Variants in FOCAD observed in about 807,000 individuals in gnomAD.
FOCAD encodes the protein KIAA1797.
Under a neutral mutation model 225.6 loss-of-function variants are expected in FOCAD, and 198 were observed. The ratio of observed to expected loss-of-function variants is 0.88; its 90% CI spans 0.78 to 0.99. The LOEUF (loss-of-function observed/expected upper bound fraction) is 0.99, where lower values mean the gene tolerates loss of function less well. Ranked by LOEUF, FOCAD falls within the 50% of genes least tolerant of loss-of-function variation. The pLI, the probability that FOCAD is intolerant of heterozygous loss-of-function variation, is 0.00. For missense variants in FOCAD, 2,713 were observed against 2,123.6 expected (o/e 1.28, Z -5.46); for synonymous variants, 897 against 755.0 (o/e 1.19, Z -3.08).
At chr9:20,913,057 A>G (rs1447508589) in intron 23 of FOCAD, 103 bp downstream of exon 23, 7 of 846,822 alleles carry the variant, frequency 8.3e-6, no homozygotes, top group Admixed American at 2.4e-5. Flanking sequence ...TTTAACCTCT[A>G]TATGTGAGCC....
intron 11 of FOCAD, among the ~76,000 whole-genome samples, chr9:20,798,088 G>A (rs1205418270): frequency 1.3e-5 from 2 of 152,068 alleles, no homozygotes; most frequent in Admixed American, 1.3e-4. Context: ...GGCCTTTTCT[G>A]CATCTATTGA....
At chr9:20,954,950 G>A (rs1838003954) in intron 35 of FOCAD, among the ~76,000 whole-genome samples, 1 of 152,202 alleles carries the variant, frequency 6.6e-6, no homozygotes, top group Non-Finnish European at 1.5e-5. Context: ...GCCAAATGCG[G>A]AGGTGTGCAT....
intron 32 of FOCAD, 61 bp from the exon 33 acceptor site, chr9:20,949,543 A>G (rs1837494168): frequency 4.1e-6 from 5 of 1,215,594 alleles, no homozygotes; most frequent in South Asian, 1.2e-5. Flanking sequence ...TGCACCGGGA[A>G]TATAACTCTT....
chr9:20,826,348 G>A (rs1258824562), intron 15 of FOCAD, among the ~76,000 whole-genome samples: 2 of 152,078 alleles, frequency 1.3e-5, no homozygotes, highest in African/African-American at 4.8e-5. Context: ...CATGCTGGAT[G>A]CTTCCTGCCC....
At chr9:20,932,121 G>C (rs539529647) in intron 27 of FOCAD, among the ~76,000 whole-genome samples, 1 of 152,012 alleles carries the variant, frequency 6.6e-6, no homozygotes, top group Non-Finnish European at 1.5e-5. Context: ...TACTCCAAAG[G>C]ACAACTTTTA....
rs762867897 is a variant in FOCAD at position 20,717,799 on chromosome 9, G to C, written c.63G>C (p.Val21=). Residue 21 remains valine (V), a synonymous_variant, in exon 3 of 44, where the codon GTG becomes GTC. Transcript: ENST00000338382. ...TAATTTTATTTCTTTTTAAGGCTGT[G>C]GGTCATCTTATTGCTGCAGTCCTAA... ...FPNSLIQSQA[V]GHLIAAVLKE... is the part of the protein sequence containing the mutation. The C allele has an allele frequency of 1.2e-6, 2 of 1,610,944 alleles. No homozygotes were observed. The highest frequency in any genetic ancestry group is 3.3e-5 in the Admixed American group (2 of 59,970).
chr9:20,847,791 T>C (rs1341378898), intron 15 of FOCAD, among the ~76,000 whole-genome samples: 1 of 152,088 alleles, frequency 6.6e-6, no homozygotes, highest in East Asian at 1.9e-4. Context: ...TGTCAGTTCT[T>C]ATGAAAGAAT....
intron 7 of FOCAD, among the ~76,000 whole-genome samples, chr9:20,769,343 A>G (rs959822007): frequency 6.6e-6 from 1 of 152,172 alleles, no homozygotes; most frequent in Non-Finnish European, 1.5e-5. Context: ...ATTGAAGCAG[A>G]TGGTCCGTTG....
At chr9:20,776,261 A>C (rs530474140) in intron 8 of FOCAD, among the ~76,000 whole-genome samples, 2 of 152,304 alleles carry the variant, frequency 1.3e-5, no homozygotes, top group South Asian at 4.1e-4. Flanking sequence ...ACTTCCTTGT[A>C]CTTCTAGAGT....
intron 15 of FOCAD, among the ~76,000 whole-genome samples, chr9:20,855,088 A>G (rs1030164576): frequency 3.3e-5 from 5 of 151,800 alleles, no homozygotes; most frequent in African/African-American, 1.2e-4. Flanking sequence ...TGCAAGCATT[A>G]AACCATAAAA....
At chr9:20,820,569 G>T in intron 13 of FOCAD, 144 bp downstream of exon 13, 1 of 635,026 alleles carries the variant, frequency 1.6e-6, no homozygotes, top group Non-Finnish European at 2.6e-6. Context: ...TTGATTTATT[G>T]TGATGCATTT....
At chr9:20,669,175 A>G (rs1331452880) in intron 2 of FOCAD, among the ~76,000 whole-genome samples, 1 of 152,082 alleles carries the variant, frequency 6.6e-6, no homozygotes, top group African/African-American at 2.4e-5. Flanking sequence ...CTAGGGTGAA[A>G]AAAATTTAAG....
chr9:20,781,888 G>C lies in FOCAD; in HGVS notation c.1156G>C (p.Glu386Gln), dbSNP rs371670691. 1.9e-6 allele frequency: 3 copies of C among 1,613,914 alleles called. No individual in the cohort carries two copies. The African/African-American group carries it at 4.0e-5, about 22-fold the overall frequency. ...GCAGCAGTTGGCTCTAAACCTTTTG[G>C]AAATGATACAGCAGGAATGTTACAG... ...SRQQLALNLL[E>Q]MIQQECYRDD... Residue 386 changes from glutamate to glutamine, a missense_variant, in exon 10 of 44, where the codon GAA becomes CAA. Coordinates refer to ENST00000338382, the MANE Select transcript of FOCAD (RefSeq NM_001375567.1).
At chr9:20,786,338 C>G (rs1819918841) in intron 10 of FOCAD, among the ~76,000 whole-genome samples, 1 of 152,192 alleles carries the variant, frequency 6.6e-6, no homozygotes, top group African/African-American at 2.4e-5. Context: ...TGTTGTGCTT[C>G]TATCATCATC....
chr9:20,935,991 A>T (rs1457829595), intron 28 of FOCAD, among the ~76,000 whole-genome samples: 1 of 152,194 alleles, frequency 6.6e-6, no homozygotes, highest in Non-Finnish European at 1.5e-5. Flanking sequence ...AATTAAACAC[A>T]CTCATTTTAT....
chr9:20,837,637 T>C (rs1485448189), intron 15 of FOCAD, among the ~76,000 whole-genome samples: 2 of 152,072 alleles, frequency 1.3e-5, no homozygotes, highest in African/African-American at 2.4e-5. Flanking sequence ...CGTTAATGTT[T>C]TGAAAAGGTT....
intron 42 of FOCAD, among the ~76,000 whole-genome samples, chr9:20,992,168 TACC>T (rs1841730766): frequency 6.6e-6 from 1 of 152,202 alleles, no homozygotes; most frequent in Admixed American, 6.5e-5. Flanking sequence ...TTGATTAAAT[TACC>T]CTGTATCTAA....
At chr9:20,925,670 G>T (rs1013578537) in intron 25 of FOCAD, among the ~76,000 whole-genome samples, 2 of 152,170 alleles carry the variant, frequency 1.3e-5, no homozygotes, top group African/African-American at 4.8e-5. Context: ...GACATCCATG[G>T]TCATGAATGA....
chr9:20,948,388 A>G lies in FOCAD; in HGVS notation c.3793A>G (p.Thr1265Ala), dbSNP rs770959719. ...LLPAWIRIVL[T>A]EGTPTMLCLA... Reference sequence around the variant, plus strand: ...CCCTGCCTGGATCAGAATTGTTCTAACAGAGGTAGAGGTCACCTGTTGTAT... The same window carrying G: ...CCCTGCCTGGATCAGAATTGTTCTAGCAGAGGTAGAGGTCACCTGTTGTAT... The change falls in exon 31 of 44, where the codon ACA becomes GCA. Residue 1265 changes from threonine to alanine, a missense_variant. By Grantham distance (58) the Thr-to-Ala change is moderately conservative. Transcript: ENST00000338382. The G allele has an allele frequency of 2.5e-6, 4 of 1,611,210 alleles. No individual in the cohort carries two copies.
Sources: allele counts gnomAD v4.1 joint callset (sites outside exome capture counted in the v4.1 genomes callset), GRCh38; gene constraint gnomAD v4.1.1; transcripts MANE v1.5; gene names NCBI Gene and HGNC (gene_info 2026-07-23, HGNC 2026-07-21).